The following ADCY2 variants were observed in gnomAD, a reference collection of about 807,000 sequenced individuals.
The protein encoded by ADCY2 is adenylate cyclase 2.
In ADCY2, 31 loss-of-function variants were observed where a neutral mutation model predicts 125.2. That is an observed-to-expected ratio of 0.25 (90% confidence interval 0.19 to 0.33). The LOEUF is 0.33. Ranked by LOEUF, ADCY2 falls within the 10% of genes least tolerant of loss-of-function variation. The pLI is 1.00. For synonymous variants in ADCY2, 512 were observed against 548.4 expected (o/e 0.93, Z 0.93); for missense variants, 904 against 1,418.2 (o/e 0.64, Z 5.82).
intron 2 of ADCY2, among the ~76,000 whole-genome samples, chr5:7,503,057 A>G (rs1232757309): frequency 6.6e-6 from 1 of 152,130 alleles, no homozygotes; most frequent in African/African-American, 2.4e-5. Flanking sequence ...CATGAGATTG[A>G]GATTCGCTTT....
chr5:7,689,867 A>G (rs1740649804), intron 4 of ADCY2, among the ~76,000 whole-genome samples: 1 of 152,222 alleles, frequency 6.6e-6, no homozygotes. Context: ...AAATGGATTA[A>G]CATTAAAATT....
chr5:7,686,072 C>A (rs1187460957), intron 4 of ADCY2, among the ~76,000 whole-genome samples: 1 of 152,134 alleles, frequency 6.6e-6, no homozygotes, highest in Non-Finnish European at 1.5e-5. Flanking sequence ...AGGAGTGTTT[C>A]ATTGTTATCC....
At chr5:7,793,218 G>A (rs1579442648) in intron 20 of ADCY2, among the ~76,000 whole-genome samples, 1 of 152,190 alleles carries the variant, frequency 6.6e-6, no homozygotes, top group East Asian at 1.9e-4. Flanking sequence ...GGAGGCCAAG[G>A]CAAGCGGATC....
chr5:7,603,784 C>CTTTTTTTTTTTTTTTT, intron 3 of ADCY2, among the ~76,000 whole-genome samples: 101 of 62,788 alleles, frequency 1.6e-3, no homozygotes, highest in African/African-American at 2.1e-3. Flanking sequence ...TGCTCTCTTT[C>CTTTTTTTTTTTTTTTT]TTTTTTTTTT....
chr5:7,724,828 A>G (rs1170687280), intron 13 of ADCY2, among the ~76,000 whole-genome samples: 5 of 151,946 alleles, frequency 3.3e-5, no homozygotes, highest in African/African-American at 7.3e-5. Flanking sequence ...ACCATTCTCA[A>G]CCCTCTCGAT....
chr5:7,575,230 G>A (rs951834074), intron 3 of ADCY2, among the ~76,000 whole-genome samples: 1 of 152,030 alleles, frequency 6.6e-6, no homozygotes, highest in Non-Finnish European at 1.5e-5. Flanking sequence ...ATAATCTTTG[G>A]AAGGATGCAC....
At chr5:7,619,539 A>G (rs371970343) in intron 3 of ADCY2, among the ~76,000 whole-genome samples, 2 of 152,252 alleles carry the variant, frequency 1.3e-5, no homozygotes, top group East Asian at 3.8e-4. Context: ...CTTTAAAGAT[A>G]TTCCATCATA....
chr5:7,826,138 G>A (rs1004207067), intron 24 of ADCY2, among the ~76,000 whole-genome samples: 24 of 152,202 alleles, frequency 1.6e-4, no homozygotes, highest in Middle Eastern at 3.4e-3. Flanking sequence ...TTCAGTTTTA[G>A]GTTACTTCAC....
chr5:7,538,795 G>T (rs1734898991), intron 3 of ADCY2, among the ~76,000 whole-genome samples: 1 of 151,046 alleles, frequency 6.6e-6, no homozygotes, highest in Non-Finnish European at 1.5e-5. Flanking sequence ...AGAAAGAGTA[G>T]TTCACTGGTT....
rs191071802 is a variant in ADCY2 at position 7,828,571 on chromosome 5, G to C, written c.*1700G>C. On this transcript the variant is annotated 3_prime_UTR_variant, in exon 25 of 25. Transcript: ENST00000338316. Reference sequence around the variant, plus strand: ...AAGCTGATAACCGTCCTTCATCACCGAAGTGTGAGTAGAGCATGACTTATT... The same window carrying C: ...AAGCTGATAACCGTCCTTCATCACCCAAGTGTGAGTAGAGCATGACTTATT... 1.3e-5 allele frequency: 2 copies of C among 152,294 alleles called. No individual in the cohort carries two copies. Among genetic ancestry groups the C allele is most frequent in the African/African-American group, 4.8e-5 (2 of 41,420 alleles). The allele number at this position is 152,294 out of a possible 1,614,324, so 9.4% of individuals were successfully genotyped here.
chr5:7,717,421 T>G (rs1009882142), intron 12 of ADCY2, among the ~76,000 whole-genome samples, 184 bp downstream of exon 12: 2 of 152,212 alleles, frequency 1.3e-5, no homozygotes, highest in Non-Finnish European at 2.9e-5. Flanking sequence ...TTAAAAAATA[T>G]TTAATCCCTG....
intron 3 of ADCY2, among the ~76,000 whole-genome samples, chr5:7,560,261 A>G (rs555073765): frequency 6.6e-6 from 1 of 152,224 alleles, no homozygotes; most frequent in Admixed American, 6.5e-5. Context: ...ACTGGATGCC[A>G]GTTGCCTCTC....
chr5:7,439,556 ACACAC>A (rs1335756461), intron 2 of ADCY2, among the ~76,000 whole-genome samples: 5 of 151,852 alleles, frequency 3.3e-5, no homozygotes, highest in Admixed American at 6.6e-5. Flanking sequence ...ACACACACAC[ACACAC>A]AAAAGTATGT....
At chr5:7,749,188 C>T (rs1051480407) in intron 15 of ADCY2, among the ~76,000 whole-genome samples, 7 of 152,134 alleles carry the variant, frequency 4.6e-5, no homozygotes, top group African/African-American at 1.4e-4. Context: ...CTCTAGTTTC[C>T]TAAAGTATGT....
At chr5:7,522,883 G>A (rs191909242) in intron 3 of ADCY2, among the ~76,000 whole-genome samples, 9 of 150,730 alleles carry the variant, frequency 6.0e-5, no homozygotes, top group East Asian at 5.9e-4. Context: ...CCGAGATCGC[G>A]CCACTGCACT....
At chr5:7,416,443 C>T (rs991035693) in intron 2 of ADCY2, among the ~76,000 whole-genome samples, 2 of 152,180 alleles carry the variant, frequency 1.3e-5, no homozygotes, top group Non-Finnish European at 2.9e-5. Context: ...ACTCTCTGTG[C>T]TCCTGATGCC....
At chr5:7,519,914 G>A (rs528115823) in intron 2 of ADCY2, among the ~76,000 whole-genome samples, 2 of 152,262 alleles carry the variant, frequency 1.3e-5, no homozygotes, top group South Asian at 2.1e-4. Flanking sequence ...CATACACTAT[G>A]AGGTCTTTTG....
intron 18 of ADCY2, among the ~76,000 whole-genome samples, chr5:7,778,591 A>G (rs1424124764): frequency 6.6e-6 from 1 of 152,236 alleles, no homozygotes; most frequent in Non-Finnish European, 1.5e-5. Context: ...CAGCCTTAGC[A>G]ACAGCCTCCT....
intron 12 of ADCY2, among the ~76,000 whole-genome samples, chr5:7,722,960 C>CAAAAAAAAAAAAAAAAAAAAA (rs60426818): frequency 3.5e-4 from 18 of 51,666 alleles, no homozygotes; most frequent in Admixed American, 5.8e-4. Flanking sequence ...AACTCCATCT[C>CAAAAAAAAAAAAAAAAAAAAA]AAAAAAAAAA....
Sources: allele counts gnomAD v4.1 joint callset (sites outside exome capture counted in the v4.1 genomes callset), GRCh38; gene constraint gnomAD v4.1.1; transcripts MANE v1.5; gene names NCBI Gene and HGNC (gene_info 2026-07-23, HGNC 2026-07-21).